LNX2: variants seen among roughly 807,000 people sequenced by gnomAD.
LNX2 encodes the protein ligand of numb-protein X 2.
A neutral mutation model predicts 66.2 loss-of-function variants in LNX2; 35 were observed. The ratio of observed to expected loss-of-function variants is 0.53; its 90% CI spans 0.40 to 0.70. The LOEUF (loss-of-function observed/expected upper bound fraction) is 0.70, where lower values mean the gene tolerates loss of function less well. LNX2 is among the 30% of genes least tolerant of loss of function. LNX2 has a pLI of 0.00. For missense variants in LNX2, 791 were observed against 850.8 expected (o/e 0.93, Z 0.87); for synonymous variants, 337 against 315.6 (o/e 1.07, Z -0.72).
intron 4 of LNX2, among the ~76,000 whole-genome samples, chr13:27,567,160 T>C (rs1410155183): frequency 6.6e-6 from 1 of 152,178 alleles, no homozygotes; most frequent in Non-Finnish European, 1.5e-5. Context: ...GAACTCTATC[T>C]TATAATCTGT....
At chr13:27,620,036 TAAG>T (rs1203443744) in intron 1 of LNX2, among the ~76,000 whole-genome samples, 8 of 151,412 alleles carry the variant, frequency 5.3e-5, no homozygotes, top group African/African-American at 1.9e-4. Context: ...TCCCTTCCCT[TAAG>T]AAGCAAACGA....
chr13:27,563,838 C>T (rs920507552), intron 4 of LNX2, among the ~76,000 whole-genome samples: 1 of 152,184 alleles, frequency 6.6e-6, no homozygotes, highest in Non-Finnish European at 1.5e-5. Flanking sequence ...GACCTATTAA[C>T]ACCTTTCAGA....
intron 2 of LNX2, among the ~76,000 whole-genome samples, chr13:27,570,256 T>C (rs1267917541): frequency 6.6e-6 from 1 of 152,178 alleles, no homozygotes; most frequent in Non-Finnish European, 1.5e-5. Flanking sequence ...TTAGCTACAG[T>C]AACGCTTGGT....
chr13:27,604,679 T>A (rs1443126198), intron 1 of LNX2, among the ~76,000 whole-genome samples: 1 of 152,006 alleles, frequency 6.6e-6, no homozygotes, highest in East Asian at 1.9e-4. Context: ...TATTTTATAA[T>A]ATAAAAAGTA....
chr13:27,619,860 C>G (rs571744844), intron 1 of LNX2, among the ~76,000 whole-genome samples: 1 of 152,294 alleles, frequency 6.6e-6, no homozygotes, highest in Non-Finnish European at 1.5e-5. Flanking sequence ...CCCACCCTCT[C>G]CAGCCTAAAG....
intron 5 of LNX2, among the ~76,000 whole-genome samples, chr13:27,560,770 T>C (rs959164053): frequency 6.6e-6 from 1 of 152,076 alleles, no homozygotes; most frequent in African/African-American, 2.4e-5. Flanking sequence ...TGATGCTGAC[T>C]CTTGGTCATG....
At chr13:27,602,292 A>G (rs1357886002) in intron 1 of LNX2, among the ~76,000 whole-genome samples, 2 of 152,178 alleles carry the variant, frequency 1.3e-5, no homozygotes, top group Non-Finnish European at 2.9e-5. Flanking sequence ...CTAAATGCAT[A>G]CAACTATGGA....
intron 2 of LNX2, among the ~76,000 whole-genome samples, chr13:27,577,835 C>T (rs925695471): frequency 1.2e-4 from 19 of 152,096 alleles, no homozygotes; most frequent in Admixed American, 1.3e-4. Context: ...AATGTTAAAT[C>T]GTTAAGGGTG....
At chr13:27,609,106 C>T (rs1297384830) in intron 1 of LNX2, among the ~76,000 whole-genome samples, 1 of 145,274 alleles carries the variant, frequency 6.9e-6, no homozygotes, top group African/African-American at 2.6e-5. Context: ...TTTTCATTAA[C>T]AGAATCATTT....
intron 1 of LNX2, among the ~76,000 whole-genome samples, chr13:27,616,391 T>C (rs2138493785): frequency 1.3e-5 from 2 of 152,240 alleles, no homozygotes; most frequent in Admixed American, 6.5e-5. Flanking sequence ...AAAACGTTTC[T>C]TATCGGACTT....
intron 4 of LNX2, among the ~76,000 whole-genome samples, chr13:27,566,506 C>A (rs138860833): frequency 1.3e-5 from 2 of 152,090 alleles, no homozygotes; most frequent in African/African-American, 4.8e-5. Context: ...CCGTGGAGGA[C>A]CCTGACTATT....
intron 1 of LNX2, among the ~76,000 whole-genome samples, chr13:27,587,726 T>C (rs1349595670): frequency 6.6e-6 from 1 of 152,134 alleles, no homozygotes; most frequent in African/African-American, 2.4e-5. Context: ...TGCTTCTGTA[T>C]AAAGCAGTGC....
intron 1 of LNX2, among the ~76,000 whole-genome samples, chr13:27,593,226 G>A (rs1390252256): frequency 6.6e-6 from 1 of 152,096 alleles, no homozygotes; most frequent in East Asian, 1.9e-4. Flanking sequence ...GGAAGCCTTT[G>A]TCATTTATCT....
At position 27,553,339 on chromosome 13, in the gene LNX2, G is replaced by A. The variant is rs528451386; in HGVS notation, c.1647C>T (p.Ala549=). The change falls in exon 8 of 10, where the codon GCC becomes GCT. Residue 549 remains alanine (A), a synonymous_variant. Transcript: ENST00000316334. ...CAATCTGGACCTCAAGTGCTTTAAGGGCAACAGCAGGGGACGCGGCACTGG... is the reference window on the plus strand; with the variant it reads ...CAATCTGGACCTCAAGTGCTTTAAGAGCAACAGCAGGGGACGCGGCACTGG... ...LKASAASPAV[A]LKALEVQIVE... 6.2e-7 allele frequency: 1 copy of A among 1,614,132 alleles called. No individual in the cohort carries two copies. Among genetic ancestry groups the A allele is most frequent in the Admixed American group, 1.7e-5 (1 of 60,020 alleles).
Position 27,581,562 on chromosome 13 carries a change from G to C in LNX2, c.142C>G (p.Leu48Val). ...YNYQNEVDDDLVCHICLQPLL... is the reference protein window; with the variant it reads ...YNYQNEVDDDVVCHICLQPLL... ...GGTTGAAGGCAAATATGGCAGACTAGGTCATCATCCACTTCATTCTGGTAA... is the reference window on the plus strand; with the variant it reads ...GGTTGAAGGCAAATATGGCAGACTACGTCATCATCCACTTCATTCTGGTAA... The change falls in exon 2 of 10, where the codon CTA (leucine) becomes GTA (valine). Residue 48 changes from leucine (L) to valine (V), a missense_variant. Coordinates refer to ENST00000316334, the MANE Select transcript of LNX2 (RefSeq NM_153371.4). 1.2e-6 allele frequency: 2 copies of C among 1,614,200 alleles called. No individual in the cohort carries two copies. The highest frequency in any genetic ancestry group is 1.7e-6 in the Non-Finnish European group (2 of 1,180,040).
chr13:27,549,680 C>T (rs1213633859), intron 9 of LNX2, among the ~76,000 whole-genome samples: 2 of 152,206 alleles, frequency 1.3e-5, no homozygotes, highest in African/African-American at 2.4e-5. Context: ...AATGCATGCA[C>T]AGCACTTAGC....
intron 1 of LNX2, among the ~76,000 whole-genome samples, chr13:27,583,232 G>A (rs1178623147): frequency 8.6e-5 from 2 of 23,186 alleles, no homozygotes; most frequent in Non-Finnish European, 1.6e-4. Flanking sequence ...GTGTGTGTGT[G>A]TGTGTGTGTG....
At chr13:27,615,643 G>T (rs530522642) in intron 1 of LNX2, among the ~76,000 whole-genome samples, 1 of 152,134 alleles carries the variant, frequency 6.6e-6, no homozygotes, top group Non-Finnish European at 1.5e-5. Context: ...CAACTCATCA[G>T]CATACAAAGA....
At chr13:27,562,868 CTAAG>C in intron 4 of LNX2, 87 bp from the exon 5 acceptor site, 1 of 1,394,268 alleles carries the variant, frequency 7.2e-7, no homozygotes. Context: ...CCACAGGAAA[CTAAG>C]TATTGTGAGA....
Sources: allele counts gnomAD v4.1 joint callset (sites outside exome capture counted in the v4.1 genomes callset), GRCh38; gene constraint gnomAD v4.1.1; transcripts MANE v1.5; gene names NCBI Gene and HGNC (gene_info 2026-07-23, HGNC 2026-07-21).